SCN10A: variants seen among roughly 807,000 people sequenced by gnomAD.
The protein encoded by SCN10A is sodium voltage-gated channel alpha subunit 10.
SCN10A carries 162 observed loss-of-function variants against 170.7 expected under a neutral mutation model. The ratio of observed to expected loss-of-function variants is 0.95; its 90% CI spans 0.84 to 1.08. The LOEUF (loss-of-function observed/expected upper bound fraction) is 1.08. Ranked by LOEUF, SCN10A falls within the 50% of genes least tolerant of loss-of-function variation. The pLI is 0.00. For synonymous variants in SCN10A, 985 were observed against 904.6 expected, an observed-to-expected ratio of 1.09 and a Z score of -1.59; for missense variants, 2,527 against 2,436.9, an observed-to-expected ratio of 1.04 and a Z score of -0.78.
At chr3:38,797,256 C>T (rs1392242113) in intron 1 of SCN10A, among the ~76,000 whole-genome samples, 3 of 152,086 alleles carry the variant, frequency 2.0e-5, no homozygotes, top group African/African-American at 7.2e-5. Flanking sequence ...TGTCACCAGC[C>T]CTAGAGGCAG....
intron 1 of SCN10A, among the ~76,000 whole-genome samples, chr3:38,796,883 C>T (rs1449662926): frequency 6.6e-6 from 1 of 152,036 alleles, no homozygotes; most frequent in Non-Finnish European, 1.5e-5. Context: ...GAGCTGGACT[C>T]ACATCTATTT....
intron 4 of SCN10A, among the ~76,000 whole-genome samples, chr3:38,779,039 T>C (rs986182424): frequency 1.3e-5 from 2 of 151,866 alleles, no homozygotes; most frequent in Admixed American, 1.3e-4. Flanking sequence ...TTTGGCAATA[T>C]CTCAAAAATT....
Position 38,740,746 on chromosome 3 carries a change from G to T in SCN10A, c.2107-1058C>A, listed in dbSNP as rs1479950238. Among the ~76,000 whole-genome samples the T allele has an allele frequency of 7.9e-5, 12 of 152,140 alleles. No individual in the cohort carries two copies. The South Asian group carries it at 1.9e-3, about 24-fold the overall frequency. On this transcript the variant is annotated intron_variant, in intron 14 of 27. Coordinates refer to ENST00000449082, the MANE Select transcript of SCN10A (RefSeq NM_006514.4). The stretch of plus-strand genomic sequence containing the variant: ...GTGACACTGAAATAACATTCATAAA[G>T]CACCTGACTCATTGCAGGCACCAAG...
chr3:38,741,105 A>G (rs1036723541), intron 14 of SCN10A, among the ~76,000 whole-genome samples: 4 of 152,146 alleles, frequency 2.6e-5, no homozygotes, highest in African/African-American at 9.7e-5. Flanking sequence ...AGGGACAAGT[A>G]GTCACATTTC....
rs2063159419 is a variant in SCN10A at position 38,701,867 on chromosome 3, G to A, written c.4629C>T (p.Asp1543=). 1 of 1,612,852 alleles carries A rather than the reference G, an allele frequency of 6.2e-7. No homozygotes were observed. The highest frequency in any genetic ancestry group is 8.5e-7 in the Non-Finnish European group (1 of 1,179,488). The change falls in exon 27 of 28, where the codon GAC becomes GAT. Residue 1543 remains aspartate, a synonymous_variant. Coordinates refer to ENST00000449082, the MANE Select transcript of SCN10A (RefSeq NM_006514.4). ...CAATGGAGAGAACCACCACAATGAA[G>A]TCAAACACATTCCAGCCATTTGTGA... ...YYFTNGWNVF[D]FIVVVLSIAS...
At chr3:38,816,003 T>C (rs1196553928) in intron 1 of SCN10A, 34 bp downstream of exon 1, 1 of 152,240 alleles carries the variant, frequency 6.6e-6, no homozygotes, top group Non-Finnish European at 1.5e-5. Context: ...CTTTACACTG[T>C]TAGCCACAGA....
chr3:38,786,894 T>G (rs1470133521), intron 4 of SCN10A, among the ~76,000 whole-genome samples: 2 of 152,166 alleles, frequency 1.3e-5, no homozygotes, highest in African/African-American at 2.4e-5. Flanking sequence ...CTTACACCAA[T>G]GGCACACTGC....
intron 18 of SCN10A, among the ~76,000 whole-genome samples, chr3:38,724,581 C>T (rs555697633): frequency 6.6e-6 from 1 of 152,278 alleles, no homozygotes; most frequent in South Asian, 2.1e-4. Flanking sequence ...CTCCCTAGCC[C>T]CAGGCTACTT....
intron 4 of SCN10A, among the ~76,000 whole-genome samples, chr3:38,775,347 C>T (rs1363855769): frequency 6.6e-6 from 1 of 152,132 alleles, no homozygotes; most frequent in Non-Finnish European, 1.5e-5. Context: ...TGTTCTTTTG[C>T]GTTTGAGTTA....
chr3:38,769,372 G>A (rs978458851), intron 5 of SCN10A, among the ~76,000 whole-genome samples: 4 of 151,160 alleles, frequency 2.6e-5, no homozygotes, highest in Non-Finnish European at 2.9e-5. Flanking sequence ...CTGAGTAGCT[G>A]GGATTACAGG....
At chr3:38,790,853 G>A (rs545176630) in intron 3 of SCN10A, among the ~76,000 whole-genome samples, 9 of 152,306 alleles carry the variant, frequency 5.9e-5, no homozygotes, top group Non-Finnish European at 1.0e-4. Context: ...TATTTAGCAA[G>A]TGAGAGACTG....
intron 13 of SCN10A, 60 bp downstream of exon 13, chr3:38,750,013 C>CTCCCA (rs2063730724): frequency 3.3e-6 from 3 of 920,276 alleles, no homozygotes; most frequent in African/African-American, 1.6e-5. Context: ...ATTGCTTCTG[C>CTCCCA]TGCTCACATG....
In SCN10A at chr3:38,756,725, T is replaced by C. The variant is rs1170483217; in HGVS notation, c.1239A>G (p.Ala413=). The C allele has an allele frequency of 1.9e-6, 3 of 1,614,208 alleles. No homozygotes were observed. The highest frequency in any genetic ancestry group is 2.5e-6 in the Non-Finnish European group (3 of 1,180,034). The change falls in exon 10 of 28, where the codon GCA becomes GCG. Residue 413 remains alanine, a synonymous_variant. Transcript: ENST00000449082. ...GGGCCTCCTGGAACTTCTTCTCCTT[T>C]GCTTCAATTTCATCAGTGGTTGCCT... The part of the protein sequence containing the change: ...QNQATTDEIE[A]KEKKFQEALE...
chr3:38,756,478 C>T (rs1387922283), intron 10 of SCN10A, among the ~76,000 whole-genome samples, 196 bp downstream of exon 10: 2 of 152,188 alleles, frequency 1.3e-5, no homozygotes, highest in Non-Finnish European at 2.9e-5. Context: ...GAGAGCACTC[C>T]CTCAATAGGT....
chr3:38,732,374 C>T (rs559309453), intron 15 of SCN10A, among the ~76,000 whole-genome samples: 4 of 152,256 alleles, frequency 2.6e-5, no homozygotes, highest in East Asian at 3.9e-4. Context: ...GGTGACATCA[C>T]GATATGGGAT....
intron 4 of SCN10A, among the ~76,000 whole-genome samples, chr3:38,773,668 T>C (rs993137342): frequency 3.3e-5 from 5 of 152,172 alleles, no homozygotes; most frequent in Non-Finnish European, 2.9e-5. Flanking sequence ...AAAGGAAATA[T>C]AGTCAAAGTA....
chr3:38,725,046 GA>G, intron 18 of SCN10A, 127 bp downstream of exon 18: 1 of 820,526 alleles, frequency 1.2e-6, no homozygotes, highest in Non-Finnish European at 1.8e-6. Flanking sequence ...CCCAGGATAA[GA>G]AATGAGGTTA....
rs2063817971 is a variant in SCN10A, at chr3:38,757,137, A to G, written c.973T>C (p.Cys325Arg). 1 of 1,609,822 alleles carries G rather than the reference A, an allele frequency of 6.2e-7. No individual in the cohort carries two copies. Among genetic ancestry groups the G allele is most frequent in the Non-Finnish European group, 8.5e-7 (1 of 1,178,124 alleles). Residue 325 changes from cysteine to arginine, a missense_variant, in exon 9 of 28, where the codon TGC becomes CGC. Transcript: ENST00000449082. ...DSGHCPDGYICLKTSDNPDFN... is the reference protein window; with the variant it reads ...DSGHCPDGYIRLKTSDNPDFN... ...TCCGGGTTGTCAGAAGTTTTAAGGC[A>G]GATATAACCATCAGGGCAGTGGCTG...
At chr3:38,769,572 C>T (rs1403621424) in intron 5 of SCN10A, among the ~76,000 whole-genome samples, 1 of 152,068 alleles carries the variant, frequency 6.6e-6, no homozygotes, top group Non-Finnish European at 1.5e-5. Flanking sequence ...TCAGAGATTT[C>T]TTCTTAGTTT....
Sources: allele counts gnomAD v4.1 joint callset (sites outside exome capture counted in the v4.1 genomes callset), GRCh38; gene constraint gnomAD v4.1.1; transcripts MANE v1.5; gene names NCBI Gene and HGNC (gene_info 2026-07-23, HGNC 2026-07-21).